PTPN18: variants seen among roughly 807,000 people sequenced by gnomAD.
PTPN18 encodes tyrosine-protein phosphatase non-receptor type 18.
Under a neutral mutation model 65.4 loss-of-function variants are expected in PTPN18, and 65 were observed. That is an observed-to-expected ratio of 0.99 (90% CI 0.81 to 1.22). The LOEUF (loss-of-function observed/expected upper bound fraction) is 1.22, where lower values mean the gene tolerates loss of function less well. Ranked by LOEUF, PTPN18 falls within the 50% of genes most tolerant of loss-of-function variation. The probability of loss-of-function intolerance (pLI) is 0.00; values close to 1 mark genes in which losing one functional copy is unlikely to be tolerated. For missense variants in PTPN18, 616 were observed against 646.5 expected (o/e 0.95, Z 0.51); for synonymous variants, 255 against 267.8 (o/e 0.95, Z 0.47).
Position 130,374,704 on chromosome 2 carries a change from C to T in PTPN18, c.*1480C>T, listed in dbSNP as rs1434364439. 2 of 471,030 alleles carry T rather than the reference C, an allele frequency of 4.2e-6. No homozygotes were observed. The highest frequency in any genetic ancestry group is 1.5e-5 in the South Asian group (1 of 64,558). The allele number at this position is 471,030 out of a possible 1,614,324, so 29.2% of individuals were successfully genotyped here. ...TGACTGACACTGTGCCTGCCCAGGT[C>T]CCTGTATGCACTGCCACAGTGCCCT... On this transcript the variant is annotated 3_prime_UTR_variant, in exon 15 of 15. Coordinates refer to ENST00000175756, the MANE Select transcript of PTPN18 (RefSeq NM_014369.4).
Position 130,359,311 on chromosome 2 carries a change from T to C in PTPN18, c.279+2T>C. ...TACATTAATGGCAACTTCATCCGGG[T>C]GAGGGTTGGGGTCACGGAAGGAGGT... On this transcript the variant is annotated splice_donor_variant, in intron 3 of 14. Transcript: ENST00000175756. LOFTEE classifies it high-confidence loss of function. 6.2e-7 allele frequency: 1 copy of C among 1,614,082 alleles called. No individual in the cohort carries two copies. Among genetic ancestry groups the C allele is most frequent in the Non-Finnish European group, 8.5e-7 (1 of 1,179,994 alleles).
intron 5 of PTPN18, among the ~76,000 whole-genome samples, chr2:130,361,397 G>A (rs1680185214): frequency 6.6e-6 from 1 of 151,994 alleles, no homozygotes; most frequent in Non-Finnish European, 1.5e-5. Flanking sequence ...TTAGGATTAT[G>A]TCTTCCTAAT....
intron 5 of PTPN18, among the ~76,000 whole-genome samples, chr2:130,363,005 G>C (rs752017511): frequency 3.4e-4 from 52 of 151,664 alleles, no homozygotes; most frequent in Non-Finnish European, 7.1e-4. Flanking sequence ...ATTTTTAGTA[G>C]AGACGGGGTT....
intron 6 of PTPN18, among the ~76,000 whole-genome samples, chr2:130,369,469 T>A (rs750204293): frequency 6.6e-6 from 1 of 152,216 alleles, no homozygotes; most frequent in Non-Finnish European, 1.5e-5. Flanking sequence ...GGGAACTCTC[T>A]CAAGTCATAC....
chr2:130,371,058 C>A, intron 11 of PTPN18, 94 bp downstream of exon 11: 1 of 1,409,810 alleles, frequency 7.1e-7, no homozygotes, highest in Non-Finnish European at 9.8e-7. Flanking sequence ...CTACTGGGAG[C>A]AGGCACTGAC....
At chr2:130,372,538 G>T in intron 13 of PTPN18, 55 bp downstream of exon 13, 1 of 1,402,080 alleles carries the variant, frequency 7.1e-7, no homozygotes, top group Non-Finnish European at 9.2e-7. Context: ...TCCGCAGGGC[G>T]GAACCATCCT....
At position 130,373,075 on chromosome 2, in the gene PTPN18, G is replaced by C. The variant is rs1396021991; in HGVS notation, c.1316-82G>C. The C allele has an allele frequency of 1.3e-6, 2 of 1,536,818 alleles. No individual in the cohort carries two copies. The highest frequency in any genetic ancestry group is 1.8e-5 in the Admixed American group (1 of 55,798). ...CAGTGAACCAGGAGGACCTGGAGGC[G>C]GGGGGATGGCCTTCTTCATGTCTGC... On this transcript the variant is annotated intron_variant, in intron 14 of 14. Transcript: ENST00000175756. The surrounding 1 kb of genome is among the most constrained non-coding windows in gnomAD (Gnocchi z 4.1).
Position 130,370,132 on chromosome 2 carries a change from G to A in PTPN18, c.631G>A (p.Val211Met). ...CAGTCCTGACCACATGCTCGCCATGGTGGAGGAAGCCCGTCGCCTCCAGGG... is the reference window on the plus strand; with the variant it reads ...CAGTCCTGACCACATGCTCGCCATGATGGAGGAAGCCCGTCGCCTCCAGGG... ...PSSPDHMLAM[V>M]EEARRLQGSG... Residue 211 changes from valine (V) to methionine (M), a missense_variant, in exon 8 of 15, where the codon GTG (valine) becomes ATG (methionine). Around this residue, in one of 3 missense-constraint regions of PTPN18, gnomAD observed 368 missense variants for 386.7 expected, o/e 0.95. Transcript: ENST00000175756. 2 of 1,614,086 alleles carry A rather than the reference G, an allele frequency of 1.2e-6. No individual in the cohort carries two copies. Among genetic ancestry groups the A allele is most frequent in the South Asian group, 2.2e-5 (2 of 91,088 alleles).
chr2:130,367,846 C>A (rs1680435846), intron 5 of PTPN18, among the ~76,000 whole-genome samples: 1 of 152,092 alleles, frequency 6.6e-6, no homozygotes, highest in African/African-American at 2.4e-5. Context: ...TATTTCTTTA[C>A]ATAAAGTTTC....
At chr2:130,366,798 T>C (rs182264920) in intron 5 of PTPN18, among the ~76,000 whole-genome samples, 1 of 118,128 alleles carries the variant, frequency 8.5e-6, no homozygotes, top group Admixed American at 8.7e-5. Context: ...TCCATTTGTA[T>C]CACGTTCCTT....
intron 1 of PTPN18, among the ~76,000 whole-genome samples, chr2:130,357,584 C>T (rs375584186): frequency 3.3e-5 from 5 of 152,156 alleles, no homozygotes; most frequent in East Asian, 1.9e-4. Flanking sequence ...TGGCCGGGCA[C>T]GGTGGCTCAC....
chr2:130,367,305 A>G (rs746853421), intron 5 of PTPN18, among the ~76,000 whole-genome samples: 8 of 152,060 alleles, frequency 5.3e-5, no homozygotes, highest in Non-Finnish European at 1.0e-4. Context: ...GCCGTTTCTG[A>G]CAAAATGTTG....
At chr2:130,372,710 C>T in intron 13 of PTPN18, 163 bp from the exon 14 acceptor site, 6 of 999,460 alleles carry the variant, frequency 6.0e-6, no homozygotes, top group Middle Eastern at 3.3e-4. Context: ...TTGTCTTGGC[C>T]GCGCCCAAAG....
intron 5 of PTPN18, among the ~76,000 whole-genome samples, chr2:130,365,801 C>A (rs555150159): frequency 1.3e-5 from 2 of 152,328 alleles, no homozygotes; most frequent in East Asian, 3.9e-4. Flanking sequence ...TCCAGTTGTT[C>A]CAGCACCATT....
intron 1 of PTPN18, among the ~76,000 whole-genome samples, chr2:130,358,513 T>C (rs1573855686): frequency 6.6e-6 from 1 of 151,930 alleles, no homozygotes; most frequent in East Asian, 1.9e-4. Context: ...GCCGAGAGGG[T>C]CTGAGTTCAA....
At position 130,356,081 on chromosome 2, in the gene PTPN18, G is replaced by A; in HGVS notation, c.-27G>A. The A allele has an allele frequency of 7.9e-7, 1 of 1,268,204 alleles. No individual in the cohort carries two copies. The highest frequency in any genetic ancestry group is 9.9e-7 in the Non-Finnish European group (1 of 1,007,310). The allele number at this position is 1,268,204 out of a possible 1,614,324, so 78.6% of individuals were successfully genotyped here. On this transcript the variant is annotated 5_prime_UTR_variant, in exon 1 of 15. Coordinates refer to ENST00000175756, the MANE Select transcript of PTPN18 (RefSeq NM_014369.4). ...ACACTCGCCGCGCGCGCGGCGGCCG[G>A]GCTGGACCTTGCTGGCCCGCGGCGC...
Position 130,373,399 on chromosome 2 carries a change from T to C in PTPN18, c.*175T>C, listed in dbSNP as rs559082087. 2.3e-5 allele frequency: 15 copies of C among 651,440 alleles called. No homozygotes were observed. The African/African-American group carries it at 2.8e-4, about 12-fold the overall frequency. The allele number at this position is 651,440 out of a possible 1,614,324, so 40.4% of individuals were successfully genotyped here. On this transcript the variant is annotated 3_prime_UTR_variant, in exon 15 of 15. Transcript: ENST00000175756. This position sits in a 1 kb window ranked among gnomAD's most constrained non-coding sequence, Gnocchi z 4.1. ...GACTGTAGCATTCAAGGCTTGAGGCTGGAGGAGGTAGCTAGGGTATAGTGG... is the reference window on the plus strand; with the variant it reads ...GACTGTAGCATTCAAGGCTTGAGGCCGGAGGAGGTAGCTAGGGTATAGTGG...
intron 5 of PTPN18, among the ~76,000 whole-genome samples, chr2:130,363,339 C>T (rs1205317217): frequency 6.6e-6 from 1 of 151,578 alleles, no homozygotes; most frequent in African/African-American, 2.4e-5. Context: ...CCCAGCAACT[C>T]GGGAGGCTGA....
chr2:130,358,881 C>A lies in PTPN18; in HGVS notation c.108C>A (p.Cys36Ter). Residue 36 changes from cysteine to a stop codon, truncating the protein, a stop_gained, in exon 2 of 15, where the codon TGC (cysteine) becomes TGA (stop). Transcript: ENST00000175756. LOFTEE classifies it high-confidence loss of function. ...TGCTCTACCAGGACATCCAGGCCTG[C>A]TCGGCCGCCTGGAAGGCTGACGGCG... ...LAGEFSDIQA[C>*]SAAWKADGVC... 6.2e-7 allele frequency: 1 copy of A among 1,613,326 alleles called. No individual in the cohort carries two copies. The highest frequency in any genetic ancestry group is 1.3e-5 in the African/African-American group (1 of 75,056).
Sources: gnomAD v4.1 joint callset for allele counts (sites outside exome capture counted in the v4.1 genomes callset) on GRCh38, gnomAD v4.1.1 for gene constraint, gnomAD v4.1.1 regional missense constraint, Gnocchi (gnomAD v3.1) non-coding constraint, MANE v1.5 for transcripts, NCBI Gene and HGNC (gene_info 2026-07-23, HGNC 2026-07-21) for gene names.